Variants in TSPAN10 observed in about 807,000 individuals in gnomAD.
The protein encoded by TSPAN10 is tetraspanin-10.
TSPAN10 carries 11 observed loss-of-function variants against 15.0 expected under a neutral mutation model. The observed-to-expected ratio is 0.73, with a 90% CI of 0.46 to 1.21. The LOEUF (loss-of-function observed/expected upper bound fraction) is 1.21, where lower values mean the gene tolerates loss of function less well. Among genes scored for constraint, TSPAN10 ranks in the 50% most tolerant of loss-of-function variants. The pLI, the probability that TSPAN10 is intolerant of heterozygous loss-of-function variation, is 0.00. For synonymous variants in TSPAN10, 241 were observed against 226.2 expected (o/e 1.07, Z -0.59); for missense variants, 486 against 470.6 (o/e 1.03, Z -0.30).
intron 2 of TSPAN10, chr17:81,645,944 A>C (rs2036247219): frequency 2.0e-6 from 1 of 511,918 alleles, no homozygotes; most frequent in East Asian, 3.7e-5. Context: ...CATGCACACA[A>C]GGTATAGGGG....
At chr17:81,647,222 A>G (rs990069309) in intron 2 of TSPAN10, among the ~76,000 whole-genome samples, 1 of 152,066 alleles carries the variant, frequency 6.6e-6, no homozygotes, top group Non-Finnish European at 1.5e-5. Context: ...GAGTGTCGTG[A>G]TGCCACGTCT....
intron 1 of TSPAN10, among the ~76,000 whole-genome samples, chr17:81,643,330 G>GGTTGCAGT (rs1236153736): frequency 1.3e-4 from 5 of 38,832 alleles, no homozygotes; most frequent in African/African-American, 6.0e-4. Flanking sequence ...TTACCGGGAC[G>GGTTGCAGT]GCCGGGCGCG....
chr17:81,645,234 G>T, exon 2 of TSPAN10: 1 of 1,538,638 alleles, frequency 6.5e-7, no homozygotes, highest in Non-Finnish European at 8.7e-7. Context: ...TGGGGCTGCT[G>T]GCCCTGGCCA....
chr17:81,637,483 A>G (rs1027856179), upstream of TSPAN10: 16 of 682,180 alleles, frequency 2.3e-5, no homozygotes, highest in Middle Eastern at 4.7e-4. Context: ...TAAATTTAAC[A>G]TAAGAAAAAC....
chr17:81,648,208 G>A, exon 3 of TSPAN10: 2 of 1,313,666 alleles, frequency 1.5e-6, no homozygotes, highest in Non-Finnish European at 1.9e-6. Context: ...GGCGGCGTAC[G>A]GCCCCGGAGC....
intron 2 of TSPAN10, 77 bp downstream of exon 3, chr17:81,645,706 GTCAC>G (rs1486704923): frequency 5.2e-6 from 8 of 1,546,400 alleles, no homozygotes; most frequent in East Asian, 2.3e-5. Context: ...TGTACACACA[GTCAC>G]TCACACGTAC....
upstream of TSPAN10, chr17:81,642,287 C>T (rs1278874286): frequency 1.1e-5 from 12 of 1,071,616 alleles, no homozygotes; most frequent in Non-Finnish European, 1.7e-5. Context: ...TTCCCATGCC[C>T]AGGGCTGCAC....
At chr17:81,639,626 G>A (rs1383678922), upstream of TSPAN10, among the ~76,000 whole-genome samples, 3 of 151,636 alleles carry the variant, frequency 2.0e-5, no homozygotes, top group Non-Finnish European at 4.4e-5. Context: ...GGCCGGGCGC[G>A]GTGGCTCACG....
At chr17:81,648,679 G>A (rs980711707), downstream of TSPAN10, 7 of 184,776 alleles carry the variant, frequency 3.8e-5, no homozygotes, top group South Asian at 1.9e-4. Flanking sequence ...TCCCTCCCGA[G>A]TGCATTTTTG....
At chr17:81,645,926 A>C in intron 2 of TSPAN10, 1 of 551,294 alleles carries the variant, frequency 1.8e-6, no homozygotes. Flanking sequence ...GTTCATACAC[A>C]CACGTGTCAT....
At chr17:81,648,101 C>T (rs749184929) in exon 3 of TSPAN10, 1 of 1,576,020 alleles carries the variant, frequency 6.3e-7, no homozygotes, top group East Asian at 2.3e-5. Flanking sequence ...GCGAACCTGG[C>T]TGCCTCGGGC....
rs1265516917 is a variant in TSPAN10, at chr17:81,645,703, ACAGT to A, written c.674+77_674+80del. 11 of 1,550,280 alleles carry A rather than the reference ACAGT, an allele frequency of 7.1e-6. No homozygotes were observed. In the East Asian group the frequency reaches 1.4e-4, roughly 19 times the overall value. On this transcript the variant is annotated intron_variant, in intron 2 of 2. Transcript: ENST00000611590. ...GCCACACACCCTTGTGCGTGTACAC[ACAGT>A]CACTCACACGTACATACTCATTCGT...
chr17:81,641,165 CA>C (rs201926886), upstream of TSPAN10, among the ~76,000 whole-genome samples: 7,276 of 143,218 alleles, frequency 0.051, 290 homozygotes, highest in East Asian at 0.23. Context: ...ACTCTTGTCT[CA>C]AAAAAAAAAA....
intron 2 of TSPAN10, 75 bp from the exon 4 acceptor site, chr17:81,647,826 G>T (rs755156744): frequency 1.3e-6 from 2 of 1,510,140 alleles, no homozygotes; most frequent in Admixed American, 2.0e-5. Context: ...GTGGGTAGGC[G>T]ACATTCGCCT....
chr17:81,645,613 G>C (rs563117564), exon 2 of TSPAN10: 1 of 1,612,498 alleles, frequency 6.2e-7, no homozygotes, highest in South Asian at 1.1e-5. Context: ...CTCCTACCAG[G>C]ACTGGCAGCA....
chr17:81,648,444 T>C (rs2036290577), downstream of TSPAN10: 1 of 774,482 alleles, frequency 1.3e-6, no homozygotes, highest in Non-Finnish European at 1.7e-6. Context: ...CTCGCTCACT[T>C]CGCTCGCTCC....
upstream of TSPAN10, chr17:81,638,091 T>C (rs1408415718): frequency 2.7e-5 from 4 of 150,422 alleles, no homozygotes; most frequent in Non-Finnish European, 4.4e-5. Context: ...GATTAAATTA[T>C]GTTAGTAATT....
chr17:81,644,161 CTTA>C (rs1398484821), intron 1 of TSPAN10, among the ~76,000 whole-genome samples: 3 of 152,006 alleles, frequency 2.0e-5, no homozygotes, highest in African/African-American at 7.3e-5. Context: ...GCCATAGCTT[CTTA>C]TTCTCCTTTT....
chr17:81,642,561 A>C, intron 1 of TSPAN10, 113 bp downstream of exon 2: 2 of 1,073,712 alleles, frequency 1.9e-6, no homozygotes, highest in Non-Finnish European at 2.7e-6. Context: ...GTGCCACCCC[A>C]CACCTCAATG....
Sources: allele counts gnomAD v4.1 joint callset (sites outside exome capture counted in the v4.1 genomes callset), GRCh38; gene constraint gnomAD v4.1.1; transcripts MANE v1.5; gene names NCBI Gene and HGNC (gene_info 2026-07-23, HGNC 2026-07-21).